Variants in INO80 observed in about 807,000 individuals in gnomAD.
INO80 encodes chromatin-remodeling ATPase INO80.
In INO80, 20 loss-of-function variants were observed where a neutral mutation model predicts 203.4. The ratio of observed to expected loss-of-function variants is 0.10; its 90% confidence interval spans 0.07 to 0.14. The LOEUF (loss-of-function observed/expected upper bound fraction) is 0.14, where lower values mean the gene tolerates loss of function less well. Among genes scored for constraint, INO80 ranks in the 10% least tolerant of loss-of-function variants. INO80 has a pLI of 1.00. For missense variants in INO80, 1,419 were observed against 1,914.4 expected, an observed-to-expected ratio of 0.74 and a Z score of 4.83; for synonymous variants, 726 against 685.2, an observed-to-expected ratio of 1.06 and a Z score of -0.93.
rs1191563889 is a variant in INO80 at position 41,079,867 on chromosome 15, G to A, written c.965C>T (p.Ala322Val). The A allele has an allele frequency of 1.2e-6, 2 of 1,614,000 alleles. No homozygotes were observed. Among genetic ancestry groups the A allele is most frequent in the African/African-American group, 1.3e-5 (1 of 74,912 alleles). The stretch of plus-strand genomic sequence containing the variant: ...CTTACAGTTCTTCTGGGCCTGCAAG[G>A]CAGCTCGACGCACCTCCTTCATGCA... ...HQCMKEVRRA[A>V]LQAQKNCKET... The change falls in exon 9 of 36, where the codon GCC (alanine) becomes GTC (valine). Residue 322 changes from alanine to valine, a missense_variant. Physicochemically the swap from Ala to Val is moderately conservative, Grantham distance 64. Coordinates refer to ENST00000648947, the MANE Select transcript of INO80 (RefSeq NM_017553.3).
At chr15:41,066,652 G>A (rs1596306020) in intron 14 of INO80, among the ~76,000 whole-genome samples, 3 of 151,446 alleles carry the variant, frequency 2.0e-5, no homozygotes, top group South Asian at 4.2e-4. Context: ...AACATAGCAA[G>A]ACGGCACCAT....
intron 34 of INO80, among the ~76,000 whole-genome samples, chr15:40,983,449 A>G (rs1893911357): frequency 6.6e-6 from 1 of 152,212 alleles, no homozygotes; most frequent in African/African-American, 2.4e-5. Flanking sequence ...TTTTGAACCC[A>G]GAGCTCCCCA....
At chr15:41,065,035 T>G (rs956128579) in intron 14 of INO80, among the ~76,000 whole-genome samples, 2 of 152,080 alleles carry the variant, frequency 1.3e-5, no homozygotes, top group Non-Finnish European at 2.9e-5. Flanking sequence ...TGTGGGGCTG[T>G]GTTCCAATAC....
Position 40,980,169 on chromosome 15 carries a change from C to T in INO80, c.*54G>A. 5 of 1,413,520 alleles carry T rather than the reference C, an allele frequency of 3.5e-6. No individual in the cohort carries two copies. The highest frequency in any genetic ancestry group is 1.0e-6 in the Non-Finnish European group (1 of 1,000,222). The allele number at this position is 1,413,520 out of a possible 1,614,324, so 87.6% of individuals were successfully genotyped here. A position where few individuals can be genotyped will look rare whatever the true frequency, so the allele number is the denominator to read the frequency against. On this transcript the variant is annotated 3_prime_UTR_variant, in exon 36 of 36. Coordinates refer to ENST00000648947, the MANE Select transcript of INO80 (RefSeq NM_017553.3). ...GGGCAAGCCATCCAAAGACCACTGG[C>T]AGGTCAGGACTCTAGCCCTGGTTTG...
chr15:41,096,001 T>A (rs2045718001), intron 2 of INO80, 73 bp from the exon 3 acceptor site: 5 of 1,462,664 alleles, frequency 3.4e-6, no homozygotes, highest in Non-Finnish European at 2.8e-6. Context: ...AACTGGACAC[T>A]TTACAGAAGA....
chr15:41,026,882 G>A (rs564610648), intron 25 of INO80, among the ~76,000 whole-genome samples: 8 of 152,362 alleles, frequency 5.3e-5, no homozygotes, highest in African/African-American at 1.9e-4. Flanking sequence ...GCCAATTAAA[G>A]CCTTTCCAGC....
intron 9 of INO80, 100 bp downstream of exon 9, chr15:41,079,601 A>T: frequency 3.1e-6 from 3 of 963,132 alleles, no homozygotes; most frequent in Non-Finnish European, 3.2e-6. Context: ...CAAAAAATTG[A>T]CAGTGTCATT....
rs1043842357 is a variant in INO80 at position 41,036,174 on chromosome 15, A to C, written c.2908-8438T>G. On this transcript the variant is annotated intron_variant, in intron 24 of 35. Coordinates refer to ENST00000648947, the MANE Select transcript of INO80 (RefSeq NM_017553.3). Reference sequence around the variant, plus strand: ...CTCTCTCGAAAAAAAAAAAAAAAAAAAAAAAAAAAAACCCAAAAAAACCAC... The same window carrying C: ...CTCTCTCGAAAAAAAAAAAAAAAAACAAAAAAAAAAACCCAAAAAAACCAC... Among the ~76,000 whole-genome samples, 7 of 147,332 alleles carry C rather than the reference A, an allele frequency of 4.8e-5. No individual in the cohort carries two copies. In the South Asian group the frequency reaches 6.3e-4, roughly 13 times the overall value.
At chr15:41,072,088 A>G (rs755085445) in intron 11 of INO80, 30 bp from the exon 12 acceptor site, 4 of 1,398,180 alleles carry the variant, frequency 2.9e-6, no homozygotes, top group Non-Finnish European at 2.9e-6. Flanking sequence ...AAAATTAGAA[A>G]AAAAAAAAAG....
At position 40,982,894 on chromosome 15, in the gene INO80, G is replaced by T. The variant is rs1893883445; in HGVS notation, c.4421C>A (p.Ala1474Asp). 1 of 1,613,612 alleles carries T rather than the reference G, an allele frequency of 6.2e-7. No homozygotes were observed. The highest frequency in any genetic ancestry group is 8.5e-7 in the Non-Finnish European group (1 of 1,180,028). ...KAGAAAASAA[A>D]YAAYGYNVSK... ...CACGTTGTACCCGTATGCGGCATAG[G>T]CAGCTGCAGAGGCCGCTGCAGCCCC... The change falls in exon 35 of 36, where the codon GCC (alanine) becomes GAC (aspartate). Residue 1474 changes from alanine to aspartate, a missense_variant. By Grantham distance (126) the Ala-to-Asp change is moderately radical (BLOSUM62 -2). Around this residue, in one of 9 missense-constraint regions of INO80, gnomAD observed 8 missense variants for 25.0 expected, o/e 0.32. Coordinates refer to ENST00000648947, the MANE Select transcript of INO80 (RefSeq NM_017553.3).
chr15:40,987,204 G>A lies in INO80; in HGVS notation c.3730-11C>T, dbSNP rs199989126. 6.1e-5 allele frequency: 95 copies of A among 1,552,982 alleles called. No individual in the cohort carries two copies. The Admixed American group carries it at 1.1e-3, about 17-fold the overall frequency. On this transcript the variant is annotated splice_polypyrimidine_tract_variant and intron_variant, in intron 30 of 35. Coordinates refer to ENST00000648947, the MANE Select transcript of INO80 (RefSeq NM_017553.3). ...CACCATCCGCTGAATCTACACCAAAGCAGATCAAAATGTCACCTCCAGGCA... is the reference window on the plus strand; with the variant it reads ...CACCATCCGCTGAATCTACACCAAAACAGATCAAAATGTCACCTCCAGGCA...
chr15:41,062,524 C>A (rs900416806), intron 14 of INO80, among the ~76,000 whole-genome samples: 12 of 152,074 alleles, frequency 7.9e-5, no homozygotes, highest in African/African-American at 2.9e-4. Context: ...CAGAGTGAGA[C>A]TCTGTCTCCA....
Position 41,058,737 on chromosome 15 carries a change from G to A in INO80, c.1887C>T (p.Thr629=). The A allele has an allele frequency of 1.2e-6, 2 of 1,613,886 alleles. No individual in the cohort carries two copies. Among genetic ancestry groups the A allele is most frequent in the East Asian group, 2.2e-5 (1 of 44,858 alleles). ...TQDAPFHVVI[T]SYQLVVQDVK... ...CATCCTGCACCACCAGCTGATAGCTGGTAATAACCACATGGAAGGGGGCAT... is the reference window on the plus strand; with the variant it reads ...CATCCTGCACCACCAGCTGATAGCTAGTAATAACCACATGGAAGGGGGCAT... Residue 629 remains threonine, a synonymous_variant, in exon 16 of 36, where the codon ACC becomes ACT. Transcript: ENST00000648947.
chr15:41,023,099 TCA>T (rs767156041), intron 25 of INO80: 1 of 247,562 alleles, frequency 4.0e-6, no homozygotes, highest in Non-Finnish European at 7.4e-6. Flanking sequence ...ACAGACTGTC[TCA>T]AAAAAAAAAA....
At chr15:41,039,407 AGTGT>A (rs967076846) in intron 24 of INO80, among the ~76,000 whole-genome samples, 1 of 152,034 alleles carries the variant, frequency 6.6e-6, no homozygotes, top group Admixed American at 6.6e-5. Flanking sequence ...AACCACATTC[AGTGT>A]GTGTGTGTGT....
chr15:41,018,564 G>A (rs1412068839), intron 26 of INO80: 1 of 152,204 alleles, frequency 6.6e-6, no homozygotes, highest in African/African-American at 2.4e-5. Flanking sequence ...AAATGACTAA[G>A]AAGAAACACT....
intron 11 of INO80, among the ~76,000 whole-genome samples, chr15:41,072,514 A>G (rs1596309766): frequency 6.6e-6 from 1 of 151,582 alleles, no homozygotes; most frequent in African/African-American, 2.4e-5. Flanking sequence ...AGGTCAGGAG[A>G]TCGAGACCAT....
chr15:41,002,644 T>G (rs907015694), intron 28 of INO80, among the ~76,000 whole-genome samples: 1 of 152,220 alleles, frequency 6.6e-6, no homozygotes, highest in Non-Finnish European at 1.5e-5. Context: ...GTTCTTATCC[T>G]TTCACTCAGT....
chr15:41,021,015 C>A lies in INO80; in HGVS notation c.3159G>T (p.Gly1053=). Residue 1053 remains glycine, a synonymous_variant, in exon 26 of 36, where the codon GGG becomes GGT. Transcript: ENST00000648947. ...SLAAKQCLLN[G]APELAADWLN... is the part of the protein sequence containing the mutation. ...GCCAGTCTGCAGCCAGTTCAGGGGC[C>A]CCATTCAACAAACACTGCTTGGCTG... The A allele has an allele frequency of 6.2e-7, 1 of 1,614,096 alleles. No individual in the cohort carries two copies. Among genetic ancestry groups the A allele is most frequent in the East Asian group, 2.2e-5 (1 of 44,880 alleles).
Sources: gnomAD v4.1 joint callset for allele counts (sites outside exome capture counted in the v4.1 genomes callset) on GRCh38, gnomAD v4.1.1 for gene constraint, gnomAD v4.1.1 regional missense constraint, MANE v1.5 for transcripts, NCBI Gene and HGNC (gene_info 2026-07-23, HGNC 2026-07-21) for gene names.